The following GSTCD variants were observed in gnomAD, a reference collection of about 807,000 sequenced individuals.
GSTCD encodes glutathione S-transferase C-terminal domain-containing protein.
Under a neutral mutation model 68.3 loss-of-function variants are expected in GSTCD, and 44 were observed. The ratio of observed to expected loss-of-function variants is 0.64; its 90% confidence interval spans 0.51 to 0.83. The LOEUF (loss-of-function observed/expected upper bound fraction) is 0.83, where lower values mean the gene tolerates loss of function less well. Ranked by LOEUF, GSTCD falls within the 40% of genes least tolerant of loss-of-function variation. GSTCD has a pLI of 0.00. For missense variants in GSTCD, 739 were observed against 735.9 expected, an observed-to-expected ratio of 1.00 and a Z score of -0.05; for synonymous variants, 273 against 255.2, an observed-to-expected ratio of 1.07 and a Z score of -0.67.
chr4:105,783,822 T>C (rs1281465065), intron 5 of GSTCD, among the ~76,000 whole-genome samples: 1 of 152,222 alleles, frequency 6.6e-6, no homozygotes, highest in Non-Finnish European at 1.5e-5. Flanking sequence ...AGTTTTCAAG[T>C]TTCCTTAGTT....
intron 9 of GSTCD, among the ~76,000 whole-genome samples, chr4:105,837,298 A>G (rs1252220735): frequency 6.6e-6 from 1 of 152,100 alleles, no homozygotes; most frequent in Admixed American, 6.5e-5. Flanking sequence ...CCCCTGCCCT[A>G]CTACCCTAGG....
intron 5 of GSTCD, among the ~76,000 whole-genome samples, chr4:105,759,607 G>A (rs2193852): frequency 0.12 from 18,768 of 152,102 alleles, 1,684 homozygotes; most frequent in African/African-American, 0.25. Flanking sequence ...AGAAGGCAGA[G>A]ATTTAATGAA....
intron 10 of GSTCD, chr4:105,840,227 A>G (rs1193921340): frequency 2.2e-6 from 1 of 455,300 alleles, no homozygotes; most frequent in Admixed American, 2.4e-5. Flanking sequence ...CCATTATATA[A>G]AATGAATCTT....
intron 5 of GSTCD, among the ~76,000 whole-genome samples, chr4:105,795,606 G>C (rs923156783): frequency 6.6e-6 from 1 of 152,034 alleles, no homozygotes; most frequent in African/African-American, 2.4e-5. Context: ...TTCTGCTGAA[G>C]CATCTAAAAT....
chr4:105,845,359 C>A, intron 11 of GSTCD, 82 bp from the exon 12 acceptor site: 1 of 1,502,730 alleles, frequency 6.7e-7, no homozygotes, highest in South Asian at 1.2e-5. Context: ...CAGATTTTGT[C>A]ACTATATAGA....
At chr4:105,739,831 C>T (rs1408541689) in intron 5 of GSTCD, among the ~76,000 whole-genome samples, 6 of 152,128 alleles carry the variant, frequency 3.9e-5, no homozygotes, top group Non-Finnish European at 7.3e-5. Context: ...TCGGCTCAGT[C>T]CCCTAGGAGC....
Position 105,719,212 on chromosome 4 carries a change from T to C in GSTCD, c.579T>C (p.Asp193=), listed in dbSNP as rs1338942457. The C allele has an allele frequency of 6.2e-7, 1 of 1,613,912 alleles. No individual in the cohort carries two copies. The highest frequency in any genetic ancestry group is 1.3e-5 in the African/African-American group (1 of 74,888). The change falls in exon 3 of 12, where the codon GAT becomes GAC. Residue 193 remains aspartate, a synonymous_variant. Transcript: ENST00000515279. ...AGCCTGTTAGAGTGCATAATGATGA[T>C]AAACTCCGCAGGCAGAAGCTCAAGC... ...LSEPVRVHND[D]KLRRQKLKQQ... is the part of the protein sequence containing the mutation.
At chr4:105,710,655 T>TA (rs1732508746) in intron 1 of GSTCD, among the ~76,000 whole-genome samples, 2 of 152,212 alleles carry the variant, frequency 1.3e-5, no homozygotes, top group Non-Finnish European at 2.9e-5. Context: ...GGAATGCAGA[T>TA]ATTGAAACCA....
chr4:105,774,217 T>A (rs527499509), intron 5 of GSTCD, among the ~76,000 whole-genome samples: 1 of 152,326 alleles, frequency 6.6e-6, no homozygotes, highest in African/African-American at 2.4e-5. Flanking sequence ...TAAATATTCC[T>A]CCATCCCTTT....
chr4:105,732,223 A>AT (rs1468266086), intron 5 of GSTCD, among the ~76,000 whole-genome samples: 1 of 152,120 alleles, frequency 6.6e-6, no homozygotes, highest in Non-Finnish European at 1.5e-5. Flanking sequence ...GTTAGGGAGG[A>AT]TTCCCTCTTT....
chr4:105,740,852 A>G (rs975927092), intron 5 of GSTCD, among the ~76,000 whole-genome samples: 2 of 152,050 alleles, frequency 1.3e-5, no homozygotes, highest in African/African-American at 4.8e-5. Flanking sequence ...CCCTCAGGGC[A>G]GCCATAGTGT....
At chr4:105,825,633 T>C in intron 7 of GSTCD, 39 bp from the exon 8 acceptor site, 1 of 1,179,702 alleles carries the variant, frequency 8.5e-7, no homozygotes, top group Non-Finnish European at 1.2e-6. Flanking sequence ...GTCTGAATTA[T>C]GTTACTAAAT....
intron 5 of GSTCD, among the ~76,000 whole-genome samples, chr4:105,751,460 G>T (rs1011776529): frequency 7.2e-5 from 11 of 152,090 alleles, no homozygotes; most frequent in African/African-American, 2.4e-4. Context: ...TAATAGTAAT[G>T]CAGTACTAGT....
intron 5 of GSTCD, chr4:105,820,486 G>A (rs1723232578): frequency 6.6e-6 from 1 of 151,850 alleles, no homozygotes; most frequent in African/African-American, 2.4e-5. Flanking sequence ...AATAAAAATA[G>A]AAAGTAGGAT....
intron 9 of GSTCD, 70 bp downstream of exon 9, chr4:105,834,664 T>C (rs895253665): frequency 9.9e-6 from 14 of 1,408,044 alleles, no homozygotes; most frequent in African/African-American, 1.4e-5. Flanking sequence ...TTGTTTGATA[T>C]AAAGTTGCAA....
intron 8 of GSTCD, among the ~76,000 whole-genome samples, chr4:105,831,282 A>G (rs1723883530): frequency 6.6e-6 from 1 of 152,190 alleles, no homozygotes; most frequent in African/African-American, 2.4e-5. Context: ...GGGCTGGGGC[A>G]AGTTTAGAGA....
chr4:105,843,991 G>T (rs1724455528), intron 11 of GSTCD, among the ~76,000 whole-genome samples: 1 of 152,098 alleles, frequency 6.6e-6, no homozygotes, highest in African/African-American at 2.4e-5. Context: ...CTTTACACAG[G>T]CCATTCCTCC....
At chr4:105,786,532 C>CA (rs374244742) in intron 5 of GSTCD, among the ~76,000 whole-genome samples, 2,463 of 87,748 alleles carry the variant, frequency 0.028, 71 homozygotes, top group African/African-American at 0.081. Context: ...AAACACCATC[C>CA]AAAAAAAAAA....
chr4:105,738,335 T>C (rs986584102), intron 5 of GSTCD, among the ~76,000 whole-genome samples: 1 of 152,216 alleles, frequency 6.6e-6, no homozygotes, highest in Non-Finnish European at 1.5e-5. Context: ...GCCTTCAGCT[T>C]TGTTCCTTTT....
Sources: allele counts gnomAD v4.1 joint callset (sites outside exome capture counted in the v4.1 genomes callset), GRCh38; gene constraint gnomAD v4.1.1; transcripts MANE v1.5; gene names NCBI Gene and HGNC (gene_info 2026-07-23, HGNC 2026-07-21).